HIVEP1: variants seen among roughly 807,000 people sequenced by gnomAD.
The protein encoded by HIVEP1 is HIVEP zinc finger 1.
HIVEP1 carries 36 observed loss-of-function variants against 180.0 expected under a neutral mutation model. The ratio of observed to expected loss-of-function variants is 0.20; its 90% CI spans 0.15 to 0.26. The LOEUF is 0.26. Among genes scored for constraint, HIVEP1 ranks in the 10% least tolerant of loss-of-function variants. The pLI is 1.00. For missense variants in HIVEP1, 3,143 were observed against 3,268.7 expected, an observed-to-expected ratio of 0.96 and a Z score of 0.94; for synonymous variants, 1,239 against 1,239.0, an observed-to-expected ratio of 1.00 and a Z score of 0.00.
chr6:12,122,383 G>A lies in HIVEP1; in HGVS notation c.2588G>A (p.Gly863Glu), dbSNP rs746630106. The A allele has an allele frequency of 6.2e-7, 1 of 1,614,182 alleles. No homozygotes were observed. The highest frequency in any genetic ancestry group is 1.1e-5 in the South Asian group (1 of 91,088). The change falls in exon 4 of 9, where the codon GGA (glycine) becomes GAA (glutamate). Residue 863 changes from glycine (G) to glutamate (E), a missense_variant. Coordinates refer to ENST00000379388, the MANE Select transcript of HIVEP1 (RefSeq NM_002114.4). ...ATACCTCCTCCTCATCCACTAAGAGGAAGTCAGTCATTTGATGACAAAATT... is the reference window on the plus strand; with the variant it reads ...ATACCTCCTCCTCATCCACTAAGAGAAAGTCAGTCATTTGATGACAAAATT... The part of the protein sequence containing the change: ...NIIPPPHPLR[G>E]SQSFDDKIGA...
At chr6:12,080,180 G>C (rs1433507615) in intron 2 of HIVEP1, among the ~76,000 whole-genome samples, 4 of 152,160 alleles carry the variant, frequency 2.6e-5, no homozygotes, top group Non-Finnish European at 5.9e-5. Context: ...CCTGTCTAAA[G>C]AAGGTGCTTT....
chr6:12,083,460 T>C (rs1772921327), intron 2 of HIVEP1, among the ~76,000 whole-genome samples: 2 of 152,146 alleles, frequency 1.3e-5, no homozygotes. Flanking sequence ...GGCAACTATG[T>C]GCTCTGTGGA....
chr6:12,018,289 T>C (rs1030412654), intron 2 of HIVEP1, among the ~76,000 whole-genome samples: 1 of 152,162 alleles, frequency 6.6e-6, no homozygotes, highest in African/African-American at 2.4e-5. Context: ...CCCTGCAAGC[T>C]GAGGGAGCCG....
intron 2 of HIVEP1, among the ~76,000 whole-genome samples, chr6:12,016,992 GCA>G (rs1767806153): frequency 6.6e-6 from 1 of 152,228 alleles, no homozygotes; most frequent in Admixed American, 6.5e-5. Context: ...CCCTAGCCCA[GCA>G]CAGTTCCTGG....
At chr6:12,020,408 G>GA in intron 2 of HIVEP1, 1 of 471,120 alleles carries the variant, frequency 2.1e-6, no homozygotes, top group South Asian at 1.5e-5. Flanking sequence ...TGGCTCTTCC[G>GA]CATGGTCTTG....
At chr6:12,153,944 T>C (rs1759860711) in intron 7 of HIVEP1, among the ~76,000 whole-genome samples, 1 of 152,144 alleles carries the variant, frequency 6.6e-6, no homozygotes, top group Non-Finnish European at 1.5e-5. Context: ...GGTCAGGTGT[T>C]CAAGACCCGC....
chr6:12,174,294 T>C, the HIVEP1 span, among the ~76,000 whole-genome samples: 5 of 152,190 alleles, frequency 3.3e-5, no homozygotes, highest in Admixed American at 6.5e-5. Context: ...AAAAAATATG[T>C]CTATGAGGAG....
rs1209414050 is a variant in HIVEP1 at position 12,120,134 on chromosome 6, A to T, written c.339A>T (p.Gly113=). The stretch of plus-strand genomic sequence containing the variant: ...GGAAGCAGTTTACCAAACAAAATGG[A>T]GAAACACCTGGAATAATTGCTGAAG... The part of the protein sequence containing the change: ...KNGKQFTKQN[G]ETPGIIAEAS... Residue 113 remains glycine, a synonymous_variant, in exon 4 of 9, where the codon GGA becomes GGT. Coordinates refer to ENST00000379388, the MANE Select transcript of HIVEP1 (RefSeq NM_002114.4). 1.9e-6 allele frequency: 3 copies of T among 1,613,928 alleles called. No homozygotes were observed. The highest frequency in any genetic ancestry group is 2.5e-6 in the Non-Finnish European group (3 of 1,179,952).
At chr6:12,050,534 C>A (rs901961494) in intron 2 of HIVEP1, among the ~76,000 whole-genome samples, 1 of 151,410 alleles carries the variant, frequency 6.6e-6, no homozygotes, top group Admixed American at 6.6e-5. Flanking sequence ...TGCAGTGAGC[C>A]GAGATCACGC....
chr6:12,199,055 G>A, the HIVEP1 span, among the ~76,000 whole-genome samples: 1 of 152,244 alleles, frequency 6.6e-6, no homozygotes, highest in African/African-American at 2.4e-5. Context: ...GCAGGCAGCA[G>A]TCACTGTGCC....
chr6:12,017,074 GGCCA>G (rs1767819306), intron 2 of HIVEP1, among the ~76,000 whole-genome samples: 1 of 152,132 alleles, frequency 6.6e-6, no homozygotes, highest in South Asian at 2.1e-4. Context: ...TTATTTATTA[GGCCA>G]TAAGTATTAA....
chr6:12,186,730 T>C, the HIVEP1 span, among the ~76,000 whole-genome samples: 1 of 152,076 alleles, frequency 6.6e-6, no homozygotes, highest in Admixed American at 6.6e-5. Context: ...TGAAAGTTAC[T>C]AGACATGCAA....
chr6:12,056,537 C>T (rs952303261), intron 2 of HIVEP1, among the ~76,000 whole-genome samples: 4 of 152,144 alleles, frequency 2.6e-5, no homozygotes, highest in African/African-American at 4.8e-5. Flanking sequence ...TTATTCTTAT[C>T]GATTCAGTTG....
chr6:12,063,564 A>G lies in HIVEP1; in HGVS notation c.41-25620A>G, dbSNP rs1159732641. 6.6e-6 allele frequency among the ~76,000 whole-genome samples: 1 copy of G among 152,180 alleles called. No individual in the cohort carries two copies. Among genetic ancestry groups the G allele is most frequent in the Non-Finnish European group, 1.5e-5 (1 of 68,038 alleles). On this transcript the variant is annotated intron_variant, in intron 2 of 8. Transcript: ENST00000379388. The surrounding 1 kb of genome is among the most constrained non-coding windows in gnomAD (Gnocchi z 4.2). ...GCAGGGAAGGGCAGGAGCAGATGCC[A>G]TGCAGAGGACTGCAAAGAGGCAGAG...
At chr6:12,131,017 T>C in intron 6 of HIVEP1, 75 bp downstream of exon 6, 1 of 1,047,842 alleles carries the variant, frequency 9.5e-7, no homozygotes. Flanking sequence ...ACTGTGCGTT[T>C]TCTTTGACCG....
chr6:12,194,931 C>T, the HIVEP1 span, among the ~76,000 whole-genome samples: 2 of 152,178 alleles, frequency 1.3e-5, no homozygotes, highest in Non-Finnish European at 2.9e-5. Flanking sequence ...AGGACAGACA[C>T]TGCCAGGGGA....
Position 12,122,809 on chromosome 6 carries a change from G to T in HIVEP1, c.3014G>T (p.Gly1005Val). Residue 1005 changes from glycine to valine, a missense_variant, in exon 4 of 9, where the codon GGT becomes GTT. Around this residue, in one of 12 missense-constraint regions of HIVEP1, gnomAD observed 1,357 missense variants for 1,260.5 expected, o/e 1.08. Coordinates refer to ENST00000379388, the MANE Select transcript of HIVEP1 (RefSeq NM_002114.4). ...REPEHSPVPG[G>V]LQPQILHYRV... The stretch of plus-strand genomic sequence containing the variant: ...CCTGAGCACAGCCCTGTGCCCGGCG[G>T]TCTGCAGCCTCAGATTCTACACTAC... 1 of 1,613,708 alleles carries T rather than the reference G, an allele frequency of 6.2e-7. No homozygotes were observed. Among genetic ancestry groups the T allele is most frequent in the Non-Finnish European group, 8.5e-7 (1 of 1,179,888 alleles).
chr6:12,153,476 T>C (rs1412358065), intron 7 of HIVEP1, among the ~76,000 whole-genome samples: 1 of 151,264 alleles, frequency 6.6e-6, no homozygotes, highest in Non-Finnish European at 1.5e-5. Flanking sequence ...AGTATTGGTT[T>C]GTACAGAATG....
intron 3 of HIVEP1, among the ~76,000 whole-genome samples, chr6:12,095,555 G>A (rs1339299298): frequency 7.5e-6 from 1 of 134,182 alleles, no homozygotes; most frequent in African/African-American, 2.8e-5. Flanking sequence ...TCACTTAATT[G>A]CATTGTATTG....
Sources: allele counts gnomAD v4.1 joint callset (sites outside exome capture counted in the v4.1 genomes callset), GRCh38; gene constraint gnomAD v4.1.1; regional missense constraint gnomAD v4.1.1; non-coding constraint Gnocchi (gnomAD v3.1); transcripts MANE v1.5; gene names NCBI Gene and HGNC (gene_info 2026-07-23, HGNC 2026-07-21).